MYO1B: variants seen among roughly 807,000 people sequenced by gnomAD.
The protein encoded by MYO1B is myosin IB.
A neutral mutation model predicts 159.7 loss-of-function variants in MYO1B; 72 were observed. That is an observed-to-expected ratio of 0.45 (90% CI 0.37 to 0.55). The LOEUF is 0.55. MYO1B is among the 20% of genes least tolerant of loss of function. The pLI is 0.00. For synonymous variants in MYO1B, 468 were observed against 473.8 expected (o/e 0.99, Z 0.16); for missense variants, 1,062 against 1,364.8 (o/e 0.78, Z 3.50).
At chr2:191,414,423 A>G in intron 28 of MYO1B, 94 bp from the exon 29 acceptor site, 1 of 1,198,392 alleles carries the variant, frequency 8.3e-7, no homozygotes. Context: ...TTGTTGAAGG[A>G]TATTGGAATT....
At chr2:191,374,804 A>G (rs191802922) in intron 13 of MYO1B, among the ~76,000 whole-genome samples, 5 of 152,358 alleles carry the variant, frequency 3.3e-5, no homozygotes, top group Admixed American at 2.0e-4. Flanking sequence ...TAATGCAAAT[A>G]CTCTGATTCC....
chr2:191,342,582 C>T (rs572696607), intron 5 of MYO1B, among the ~76,000 whole-genome samples: 2 of 152,344 alleles, frequency 1.3e-5, no homozygotes, highest in African/African-American at 4.8e-5. Flanking sequence ...CACAGTGGCT[C>T]ACACCTGTAA....
rs753127608 is a variant in MYO1B at position 191,276,819 on chromosome 2, G to T, written c.-9-68G>T. On this transcript the variant is annotated intron_variant, in intron 1 of 30. Transcript: ENST00000392318. ...GAGCTACCAGTGTTGGATTTCTGCA[G>T]TAGTGCCAAGAACCTATTTGAAATT... 7 of 1,520,512 alleles carry T rather than the reference G, an allele frequency of 4.6e-6. No homozygotes were observed. The African/African-American group carries it at 7.0e-5, about 15-fold the overall frequency. The allele number at this position is 1,520,512 out of a possible 1,614,324, so 94.2% of individuals were successfully genotyped here.
intron 4 of MYO1B, among the ~76,000 whole-genome samples, chr2:191,340,252 C>A (rs558229568): frequency 1.4e-4 from 21 of 151,894 alleles, no homozygotes; most frequent in African/African-American, 5.1e-4. Context: ...ATTCTAGATC[C>A]TTTTTTAGAG....
At chr2:191,253,186 C>T (rs118010451) in intron 1 of MYO1B, among the ~76,000 whole-genome samples, 1 of 152,174 alleles carries the variant, frequency 6.6e-6, no homozygotes. Flanking sequence ...AAGACTTCTC[C>T]TGGCCTTCAT....
intron 2 of MYO1B, among the ~76,000 whole-genome samples, chr2:191,285,562 T>C (rs1688316171): frequency 6.6e-6 from 1 of 152,122 alleles, no homozygotes; most frequent in African/African-American, 2.4e-5. Flanking sequence ...TCCTCAAACT[T>C]TGAATTGAGA....
chr2:191,352,040 G>GGATAGTGCTA (rs1692958350), intron 7 of MYO1B, among the ~76,000 whole-genome samples: 1 of 152,046 alleles, frequency 6.6e-6, no homozygotes, highest in Admixed American at 6.6e-5. Flanking sequence ...AAGTTGAATG[G>GGATAGTGCTA]GATAGTGCTA....
chr2:191,372,493 A>G (rs1295875531), intron 13 of MYO1B, among the ~76,000 whole-genome samples: 1 of 152,252 alleles, frequency 6.6e-6, no homozygotes, highest in Non-Finnish European at 1.5e-5. Flanking sequence ...AGATACCAGT[A>G]GTAAACATAA....
Position 191,424,233 on chromosome 2 carries a change from A to G in MYO1B, c.*273A>G, listed in dbSNP as rs1698114065. 4 of 393,690 alleles carry G rather than the reference A, an allele frequency of 1.0e-5. No individual in the cohort carries two copies. Among genetic ancestry groups the G allele is most frequent in the Non-Finnish European group, 4.5e-6 (1 of 220,296 alleles). The allele number at this position is 393,690 out of a possible 1,614,324, so 24.4% of individuals were successfully genotyped here. The stretch of plus-strand genomic sequence containing the variant: ...TTTAGTCATCATGTTAGGTCTGTGT[A>G]CCCTAAATCAGCATATTACTCATAA... On this transcript the variant is annotated 3_prime_UTR_variant, in exon 31 of 31. Coordinates refer to ENST00000392318, the MANE Select transcript of MYO1B (RefSeq NM_001130158.3).
At chr2:191,319,597 A>G (rs1470151295) in intron 3 of MYO1B, among the ~76,000 whole-genome samples, 1 of 152,202 alleles carries the variant, frequency 6.6e-6, no homozygotes, top group Non-Finnish European at 1.5e-5. Context: ...GAATAGGTAC[A>G]TCATAAACCC....
rs1693606317 is a variant in MYO1B, at chr2:191,360,729, A to G, written c.661A>G (p.Asn221Asp). Residue 221 changes from asparagine (N) to aspartate (D), a missense_variant and splice_region_variant, in exon 8 of 31, where the codon AAT becomes GAT. This residue lies in a region of MYO1B where 415 missense variants were observed against 544.0 expected (regional missense o/e 0.76). Coordinates refer to ENST00000392318, the MANE Select transcript of MYO1B (RefSeq NM_001130158.3). ...CTCTGGTGCCTCTGAAGAGCTCCTC[A>G]GTAAGTCTCTGTTTCTATGTGGTGT... ...LLSGASEELLNKLKLERDFSR... is the reference protein window; with the variant it reads ...LLSGASEELLDKLKLERDFSR... 6.3e-7 allele frequency: 1 copy of G among 1,596,808 alleles called. No homozygotes were observed. The highest frequency in any genetic ancestry group is 8.6e-7 in the Non-Finnish European group (1 of 1,167,282).
At chr2:191,372,586 C>G (rs1694427711) in intron 13 of MYO1B, among the ~76,000 whole-genome samples, 2 of 152,190 alleles carry the variant, frequency 1.3e-5, no homozygotes, top group African/African-American at 2.4e-5. Context: ...TGTATCCTAT[C>G]AGGTAGGAAA....
chr2:191,346,267 C>T lies in MYO1B; in HGVS notation c.483C>T (p.Asp161=). ...AFGNAKTVRN[D]NSSRFGKYMD... Reference sequence around the variant, plus strand: ...GAAATGCCAAAACTGTAAGGAATGACAACTCCTCTAGATTTGTAAGTATTT... The same window carrying T: ...GAAATGCCAAAACTGTAAGGAATGATAACTCCTCTAGATTTGTAAGTATTT... Residue 161 remains aspartate (D), a synonymous_variant, in exon 6 of 31, where the codon GAC becomes GAT. Transcript: ENST00000392318. 1 of 1,572,484 alleles carries T rather than the reference C, an allele frequency of 6.4e-7. No individual in the cohort carries two copies. The highest frequency in any genetic ancestry group is 1.2e-5 in the South Asian group (1 of 83,908).
chr2:191,362,777 C>T (rs972020514), intron 9 of MYO1B, among the ~76,000 whole-genome samples: 1 of 152,040 alleles, frequency 6.6e-6, no homozygotes, highest in Non-Finnish European at 1.5e-5. Flanking sequence ...TATATAAACC[C>T]GAGCGATTAG....
chr2:191,392,963 C>A, intron 19 of MYO1B, 110 bp from the exon 20 acceptor site: 4 of 901,606 alleles, frequency 4.4e-6, no homozygotes, highest in Non-Finnish European at 3.4e-6. Context: ...TTCTTTTTTT[C>A]AATGTAATTG....
chr2:191,348,461 G>A (rs1692709377), intron 6 of MYO1B, among the ~76,000 whole-genome samples: 1 of 152,126 alleles, frequency 6.6e-6, no homozygotes, highest in Admixed American at 6.5e-5. Context: ...CTCTTACATG[G>A]TCAACCTCTG....
At chr2:191,393,518 G>T (rs1331372750) in intron 20 of MYO1B, among the ~76,000 whole-genome samples, 1 of 152,172 alleles carries the variant, frequency 6.6e-6, no homozygotes, top group Non-Finnish European at 1.5e-5. Flanking sequence ...GCTGTATTTG[G>T]TTGGAAATAC....
intron 30 of MYO1B, among the ~76,000 whole-genome samples, chr2:191,421,035 A>T (rs1027268082): frequency 1.3e-5 from 2 of 151,882 alleles, no homozygotes; most frequent in Non-Finnish European, 2.9e-5. Flanking sequence ...GCAAATCCTC[A>T]ATATATCTTG....
At chr2:191,362,056 A>G (rs906976063) in intron 8 of MYO1B, among the ~76,000 whole-genome samples, 3 of 152,186 alleles carry the variant, frequency 2.0e-5, no homozygotes, top group African/African-American at 7.2e-5. Context: ...ACTTACCTAG[A>G]TAAGTATAAA....
Sources: gnomAD v4.1 joint callset for allele counts (sites outside exome capture counted in the v4.1 genomes callset) on GRCh38, gnomAD v4.1.1 for gene constraint, gnomAD v4.1.1 regional missense constraint, MANE v1.5 for transcripts, NCBI Gene and HGNC (gene_info 2026-07-23, HGNC 2026-07-21) for gene names.